CDH7: variants seen among roughly 807,000 people sequenced by gnomAD.
CDH7 encodes the protein cadherin-7.
In CDH7, 25 loss-of-function variants were observed where a neutral mutation model predicts 71.8. The ratio of observed to expected loss-of-function variants is 0.35; its 90% CI spans 0.25 to 0.49. The LOEUF (loss-of-function observed/expected upper bound fraction) is 0.49, where lower values mean the gene tolerates loss of function less well. CDH7 is among the 20% of genes least tolerant of loss of function. CDH7 has a pLI of 0.99. For missense variants in CDH7, 862 were observed against 974.6 expected (o/e 0.88, Z 1.54); for synonymous variants, 381 against 363.8 (o/e 1.05, Z -0.54).
At chr18:65,778,203 G>A (rs963877712) in intron 2 of CDH7, among the ~76,000 whole-genome samples, 7 of 147,926 alleles carry the variant, frequency 4.7e-5, no homozygotes, top group African/African-American at 1.7e-4. Context: ...ACCCAGGAGG[G>A]AGAGGTTGCA....
intron 3 of CDH7, among the ~76,000 whole-genome samples, chr18:65,812,685 G>T (rs1274936764): frequency 6.6e-6 from 1 of 152,104 alleles, no homozygotes; most frequent in Non-Finnish European, 1.5e-5. Flanking sequence ...ATTTATTTGT[G>T]AATATGTGTG....
In CDH7 at chr18:65,753,168, G is replaced by A. The variant is rs1915933306; in HGVS notation, c.-197+2018G>A. ...AAAATCAAATGACTGTCTCTCCTGGGCACTAGTGTCTTTACTGGTTTCCCT... is the reference window on the plus strand; with the variant it reads ...AAAATCAAATGACTGTCTCTCCTGGACACTAGTGTCTTTACTGGTTTCCCT... On this transcript the variant is annotated intron_variant, in intron 1 of 11. Transcript: ENST00000397968. Among the ~76,000 whole-genome samples, 5 of 152,262 alleles carry A rather than the reference G, an allele frequency of 3.3e-5. 1 individual carries two copies. The South Asian group carries it at 8.3e-4, about 25-fold the overall frequency.
chr18:65,780,106 T>G (rs1910123826), intron 2 of CDH7, among the ~76,000 whole-genome samples: 1 of 104,580 alleles, frequency 9.6e-6, no homozygotes, highest in Admixed American at 8.5e-5. Context: ...TGTCTTCTTT[T>G]GAGAAGTGTC....
At chr18:65,844,098 T>A (rs1449085400) in intron 7 of CDH7, 33 bp downstream of exon 7, 1 of 1,597,864 alleles carries the variant, frequency 6.3e-7, no homozygotes, top group Non-Finnish European at 8.5e-7. Context: ...TTCTATGGTT[T>A]TACAAACAAT....
intron 2 of CDH7, among the ~76,000 whole-genome samples, chr18:65,807,745 T>G (rs1380324930): frequency 6.6e-6 from 1 of 152,186 alleles, no homozygotes; most frequent in Non-Finnish European, 1.5e-5. Context: ...TGCTGCTGAG[T>G]GTAGTGGAGT....
In CDH7 at chr18:65,878,718, A is replaced by G. The variant is rs1285934325; in HGVS notation, c.1865-1683A>G. Reference sequence around the variant, plus strand: ...AGTTACTTTTGCATCAACCTAGTACATATATGCCCTTTTGGTGAAGCTGGT... The same window carrying G: ...AGTTACTTTTGCATCAACCTAGTACGTATATGCCCTTTTGGTGAAGCTGGT... On this transcript the variant is annotated intron_variant, in intron 11 of 11. Coordinates refer to ENST00000397968, the MANE Select transcript of CDH7 (RefSeq NM_004361.5). Among the ~76,000 whole-genome samples, 4 of 152,198 alleles carry G rather than the reference A, an allele frequency of 2.6e-5. No individual in the cohort carries two copies. The East Asian group carries it at 7.7e-4, about 29-fold the overall frequency.
intron 2 of CDH7, among the ~76,000 whole-genome samples, chr18:65,790,148 G>C (rs1055287694): frequency 4.7e-5 from 7 of 149,630 alleles, no homozygotes; most frequent in African/African-American, 1.7e-4. Flanking sequence ...GTGAACCCAG[G>C]AGGCAGAGTT....
intron 6 of CDH7, among the ~76,000 whole-genome samples, chr18:65,839,765 T>C (rs1194570918): frequency 6.6e-6 from 1 of 152,082 alleles, no homozygotes; most frequent in Non-Finnish European, 1.5e-5. Flanking sequence ...TTTTGAATCA[T>C]CTGAGAAAGA....
chr18:65,775,229 A>G (rs1209337205), intron 2 of CDH7, among the ~76,000 whole-genome samples: 2 of 152,202 alleles, frequency 1.3e-5, no homozygotes, highest in Admixed American at 1.3e-4. Context: ...AGTTTAGCCT[A>G]GTAGTTTTCA....
chr18:65,810,950 G>T (rs967287280), intron 3 of CDH7, among the ~76,000 whole-genome samples: 1 of 151,836 alleles, frequency 6.6e-6, no homozygotes, highest in East Asian at 1.9e-4. Flanking sequence ...TGTTTATATC[G>T]AATAATCAAA....
At chr18:65,789,289 G>T (rs1408017823) in intron 2 of CDH7, among the ~76,000 whole-genome samples, 5 of 152,130 alleles carry the variant, frequency 3.3e-5, no homozygotes, top group Non-Finnish European at 7.4e-5. Context: ...AATGGGACTA[G>T]AGAAAAAGAT....
chr18:65,835,636 A>T (rs1912506399), intron 6 of CDH7, among the ~76,000 whole-genome samples: 2 of 152,202 alleles, frequency 1.3e-5, no homozygotes, highest in Admixed American at 1.3e-4. Context: ...GCTATAGTGC[A>T]TGCTGGAAAA....
At chr18:65,792,346 T>C (rs1414992662) in intron 2 of CDH7, among the ~76,000 whole-genome samples, 1 of 152,054 alleles carries the variant, frequency 6.6e-6, no homozygotes, top group Non-Finnish European at 1.5e-5. Context: ...AGGAGGTCAA[T>C]GTCTGTTGAA....
chr18:65,874,262 T>C (rs1055002193), intron 11 of CDH7, among the ~76,000 whole-genome samples: 7 of 152,154 alleles, frequency 4.6e-5, no homozygotes, highest in Admixed American at 6.5e-5. Context: ...TCCAATTTGG[T>C]TTTAAAAAAC....
chr18:65,786,283 A>G (rs1910508947), intron 2 of CDH7, among the ~76,000 whole-genome samples: 3 of 152,024 alleles, frequency 2.0e-5, no homozygotes. Context: ...AGTAATAACC[A>G]AGGGTAGATA....
chr18:65,839,345 C>CCATATG (rs1912645066), intron 6 of CDH7, among the ~76,000 whole-genome samples: 1 of 152,188 alleles, frequency 6.6e-6, no homozygotes, highest in Non-Finnish European at 1.5e-5. Flanking sequence ...GGTTCATACA[C>CCATATG]AGCCATATCC....
chr18:65,752,729 G>A (rs1281262805), intron 1 of CDH7, among the ~76,000 whole-genome samples: 1 of 152,140 alleles, frequency 6.6e-6, no homozygotes, highest in East Asian at 1.9e-4. Context: ...GAGCAATTAG[G>A]TAACATCCAA....
intron 10 of CDH7, 103 bp downstream of exon 10, chr18:65,859,928 G>A: frequency 7.2e-6 from 5 of 691,198 alleles, no homozygotes; most frequent in Admixed American, 2.1e-5. Context: ...TTTAAAGCAA[G>A]GACAATAATT....
intron 2 of CDH7, among the ~76,000 whole-genome samples, chr18:65,795,304 T>C (rs900423616): frequency 3.3e-5 from 5 of 152,250 alleles, no homozygotes; most frequent in East Asian, 3.9e-4. Context: ...GCACTTTTTT[T>C]CCCCAACAGC....
Sources: allele counts gnomAD v4.1 joint callset (sites outside exome capture counted in the v4.1 genomes callset), GRCh38; gene constraint gnomAD v4.1.1; transcripts MANE v1.5; gene names NCBI Gene and HGNC (gene_info 2026-07-23, HGNC 2026-07-21).